The following ZMAT4 variants were observed in gnomAD, a reference collection of about 807,000 sequenced individuals.
ZMAT4 encodes the protein zinc finger matrin-type protein 4.
ZMAT4 carries 17 observed loss-of-function variants against 28.7 expected under a neutral mutation model. The ratio of observed to expected loss-of-function variants is 0.59; its 90% CI spans 0.41 to 0.89. The LOEUF (loss-of-function observed/expected upper bound fraction) is 0.89, where lower values mean the gene tolerates loss of function less well. Ranked by LOEUF, ZMAT4 falls within the 40% of genes least tolerant of loss-of-function variation. The pLI, the probability that ZMAT4 is intolerant of heterozygous loss-of-function variation, is 0.00. For missense variants in ZMAT4, 240 were observed against 283.8 expected (o/e 0.85, Z 1.11); for synonymous variants, 117 against 109.2 (o/e 1.07, Z -0.44).
chr8:40,757,048 C>G (rs545332768), intron 3 of ZMAT4, among the ~76,000 whole-genome samples: 1 of 152,054 alleles, frequency 6.6e-6, no homozygotes, highest in East Asian at 1.9e-4. Flanking sequence ...TTCAGTGTTG[C>G]GTTTGGAGGC....
intron 3 of ZMAT4, among the ~76,000 whole-genome samples, chr8:40,741,888 A>G (rs1344227931): frequency 6.6e-6 from 1 of 152,238 alleles, no homozygotes; most frequent in Admixed American, 6.5e-5. Context: ...ACAAGAAAGC[A>G]TTAAAAATAA....
chr8:40,837,605 A>G (rs1018992939), intron 1 of ZMAT4, among the ~76,000 whole-genome samples: 1 of 152,182 alleles, frequency 6.6e-6, no homozygotes, highest in African/African-American at 2.4e-5. Flanking sequence ...CAAGGGTCTG[A>G]GAGTCCAGAG....
chr8:40,712,894 G>A (rs1810689074), intron 3 of ZMAT4, among the ~76,000 whole-genome samples: 1 of 152,046 alleles, frequency 6.6e-6, no homozygotes, highest in Admixed American at 6.6e-5. Context: ...TTAGCCAACA[G>A]CAATAATGTC....
intron 4 of ZMAT4, among the ~76,000 whole-genome samples, chr8:40,676,880 T>C (rs943073677): frequency 6.6e-6 from 1 of 152,148 alleles, no homozygotes; most frequent in African/African-American, 2.4e-5. Context: ...CATTCTGCTA[T>C]GACTTAGAAA....
intron 1 of ZMAT4, among the ~76,000 whole-genome samples, chr8:40,835,851 T>A (rs767118039): frequency 1.3e-5 from 2 of 152,234 alleles, no homozygotes; most frequent in African/African-American, 2.4e-5. Context: ...CTCTACCGCA[T>A]ATTAACTTGA....
rs145382121 is a variant in ZMAT4, at chr8:40,584,500, T to C, written c.578-3239A>G. Among the ~76,000 whole-genome samples, 12 of 152,308 alleles carry C rather than the reference T, an allele frequency of 7.9e-5. No individual in the cohort carries two copies. The East Asian group carries it at 2.1e-3, about 27-fold the overall frequency. On this transcript the variant is annotated intron_variant, in intron 5 of 6. Transcript: ENST00000297737. ...TTAAGGAATACAGAATTTATGTATT[T>C]ACAAGTAGCAAAGGACTCTACTACT...
chr8:40,685,396 A>G (rs1425027177), intron 4 of ZMAT4, among the ~76,000 whole-genome samples: 2 of 152,204 alleles, frequency 1.3e-5, no homozygotes, highest in African/African-American at 4.8e-5. Context: ...TTTAGGGTAC[A>G]TAAGACTTGC....
intron 3 of ZMAT4, among the ~76,000 whole-genome samples, chr8:40,727,262 G>A (rs376161150): frequency 4.6e-5 from 7 of 152,180 alleles, no homozygotes; most frequent in African/African-American, 9.6e-5. Flanking sequence ...CGTCATCTCA[G>A]GCAGATACAA....
At chr8:40,800,621 A>T (rs972097787) in intron 2 of ZMAT4, among the ~76,000 whole-genome samples, 1 of 152,072 alleles carries the variant, frequency 6.6e-6, no homozygotes, top group Non-Finnish European at 1.5e-5. Context: ...ATCCCAAAAT[A>T]CTTGGAGATT....
At chr8:40,577,423 C>A (rs900954233) in intron 6 of ZMAT4, among the ~76,000 whole-genome samples, 6 of 151,978 alleles carry the variant, frequency 3.9e-5, no homozygotes, top group African/African-American at 1.5e-4. Context: ...AATAGCCTGG[C>A]ACAAAAAGAA....
chr8:40,556,778 G>A (rs539202820), intron 6 of ZMAT4, among the ~76,000 whole-genome samples: 1 of 152,094 alleles, frequency 6.6e-6, no homozygotes, highest in Non-Finnish European at 1.5e-5. Context: ...TAATGATCAG[G>A]TCAGAGTACT....
In ZMAT4 at chr8:40,546,313, A is replaced by G. The variant is rs565396824; in HGVS notation, c.675-14075T>C. On this transcript the variant is annotated intron_variant, in intron 6 of 6. Coordinates refer to ENST00000297737, the MANE Select transcript of ZMAT4 (RefSeq NM_024645.3). ...GAATCACTTGAACAAAAAAAAAAAA[A>G]AAAGAAAATCATCTTCAAATGCATC... 2.6e-5 allele frequency among the ~76,000 whole-genome samples: 4 copies of G among 152,222 alleles called. No homozygotes were observed. The South Asian group carries it at 6.2e-4, about 24-fold the overall frequency.
In ZMAT4 at chr8:40,531,564, G is replaced by T. The variant is rs1178743094; in HGVS notation, c.*659C>A. 1 of 152,598 alleles carries T rather than the reference G, an allele frequency of 6.6e-6. No homozygotes were observed. Among genetic ancestry groups the T allele is most frequent in the Non-Finnish European group, 1.5e-5 (1 of 68,028 alleles). The allele number at this position is 152,598 out of a possible 1,614,324, so 9.5% of individuals were successfully genotyped here. Reference sequence around the variant, plus strand: ...TTCCTAAGCTATTATTTGGCAACTTGCAAGGAGGACTTGGCTTAACCTTGA... The same window carrying T: ...TTCCTAAGCTATTATTTGGCAACTTTCAAGGAGGACTTGGCTTAACCTTGA... On this transcript the variant is annotated 3_prime_UTR_variant, in exon 7 of 7. Coordinates refer to ENST00000297737, the MANE Select transcript of ZMAT4 (RefSeq NM_024645.3).
At chr8:40,874,693 T>C (rs979549290) in intron 1 of ZMAT4, among the ~76,000 whole-genome samples, 1 of 152,240 alleles carries the variant, frequency 6.6e-6, no homozygotes, top group African/African-American at 2.4e-5. Flanking sequence ...GCACAATTTA[T>C]TGATGGTTAC....
At chr8:40,571,022 C>T (rs764492950) in intron 6 of ZMAT4, among the ~76,000 whole-genome samples, 14 of 152,118 alleles carry the variant, frequency 9.2e-5, no homozygotes, top group Non-Finnish European at 1.2e-4. Flanking sequence ...AAAGCTGAGA[C>T]ATTAAATCAT....
intron 3 of ZMAT4, among the ~76,000 whole-genome samples, chr8:40,731,117 G>A (rs1378119432): frequency 2.6e-5 from 4 of 152,136 alleles, no homozygotes; most frequent in African/African-American, 7.2e-5. Context: ...GAGGTGCAAA[G>A]AGCTGGGGGG....
chr8:40,531,934 CAACT>C lies in ZMAT4; in HGVS notation c.*285_*288del. On this transcript the variant is annotated 3_prime_UTR_variant, in exon 7 of 7. Transcript: ENST00000297737. Reference sequence around the variant, plus strand: ...TCCACTTTCAGTTTGAATAATGCTCCAACTGTTTGCTATAGGATTATAATTTAGA... The same window carrying C: ...TCCACTTTCAGTTTGAATAATGCTCCGTTTGCTATAGGATTATAATTTAGA... 3.3e-6 allele frequency: 1 copy of C among 299,190 alleles called. No individual in the cohort carries two copies. Among genetic ancestry groups the C allele is most frequent in the Non-Finnish European group, 6.1e-6 (1 of 164,134 alleles). 18.5% of individuals were successfully genotyped at this position (299,190 alleles called of 1,614,324 possible).
chr8:40,708,770 C>T (rs960610858), intron 3 of ZMAT4, among the ~76,000 whole-genome samples: 19 of 151,518 alleles, frequency 1.3e-4, no homozygotes, highest in African/African-American at 4.4e-4. Context: ...CTGCATCAGC[C>T]TCCCGAGTAG....
chr8:40,561,214 T>C (rs1322529026), intron 6 of ZMAT4, among the ~76,000 whole-genome samples: 1 of 152,074 alleles, frequency 6.6e-6, no homozygotes, highest in Non-Finnish European at 1.5e-5. Flanking sequence ...AGTTACTATA[T>C]CTTTAATTTT....
Sources: allele counts gnomAD v4.1 joint callset (sites outside exome capture counted in the v4.1 genomes callset), GRCh38; gene constraint gnomAD v4.1.1; transcripts MANE v1.5; gene names NCBI Gene and HGNC (gene_info 2026-07-23, HGNC 2026-07-21).